The following STAT6 variants were observed in gnomAD, a reference collection of about 807,000 sequenced individuals.
STAT6 encodes the protein STAT, interleukin4-induced.
In STAT6, 45 loss-of-function variants were observed where a neutral mutation model predicts 106.3. That is an observed-to-expected ratio of 0.42 (90% CI 0.33 to 0.54). STAT6 has a LOEUF of 0.54. STAT6 is among the 20% of genes least tolerant of loss of function. The pLI, the probability that STAT6 is intolerant of heterozygous loss-of-function variation, is 0.06. For missense variants in STAT6, 797 were observed against 1,062.2 expected (o/e 0.75, Z 3.47); for synonymous variants, 413 against 413.6 (o/e 1.00, Z 0.02).
Position 57,109,199 on chromosome 12 carries a change from C to A in STAT6, c.-21-900G>T, listed in dbSNP as rs1430484952. On this transcript the variant is annotated intron_variant, in intron 1 of 21. Coordinates refer to ENST00000300134, the MANE Select transcript of STAT6 (RefSeq NM_003153.5). ...CCTGGGCGACAGAGAGAGACTCTGC[C>A]TCAAAATAAATAAATAAATAAATGA... 2.0e-5 allele frequency among the ~76,000 whole-genome samples: 3 copies of A among 151,666 alleles called. No individual in the cohort carries two copies. The East Asian group carries it at 5.8e-4, about 29-fold the overall frequency.
intron 2 of STAT6, 103 bp downstream of exon 2, chr12:57,108,060 G>C (rs2034382114): frequency 1.3e-6 from 1 of 767,108 alleles, no homozygotes; most frequent in African/African-American, 1.7e-5. Flanking sequence ...TGGAATAACA[G>C]GTCTCAAGTT....
chr12:57,102,198 G>A, intron 13 of STAT6, 92 bp downstream of exon 13: 1 of 1,391,912 alleles, frequency 7.2e-7, no homozygotes, highest in South Asian at 1.2e-5. Context: ...GGAGAATCCA[G>A]TGGAAGGTCC....
chr12:57,109,622 G>A (rs2034473875), intron 1 of STAT6, among the ~76,000 whole-genome samples: 1 of 152,082 alleles, frequency 6.6e-6, no homozygotes, highest in Admixed American at 6.6e-5. Flanking sequence ...GGATGGAAGA[G>A]ACTGGAAAAA....
chr12:57,100,936 G>A (rs2033888411), intron 13 of STAT6: 1 of 451,308 alleles, frequency 2.2e-6, no homozygotes, highest in Non-Finnish European at 4.4e-6. Flanking sequence ...CTACCTCAAA[G>A]AGATGTTGGG....
chr12:57,097,676 C>T (rs1038874783), intron 19 of STAT6, among the ~76,000 whole-genome samples: 6 of 152,280 alleles, frequency 3.9e-5, no homozygotes, highest in East Asian at 3.9e-4. Flanking sequence ...GTAATCCTAA[C>T]GCTTTGGGAG....
In STAT6 at chr12:57,106,265, C is replaced by T; in HGVS notation, c.606G>A (p.Gln202=). 2 of 1,614,254 alleles carry T rather than the reference C, an allele frequency of 1.2e-6. No individual in the cohort carries two copies. Among genetic ancestry groups the T allele is most frequent in the Non-Finnish European group, 1.7e-6 (2 of 1,180,052 alleles). The part of the protein sequence containing the change: ...AAKALVLKRI[Q]IWKRQQQLAG... Reference sequence around the variant, plus strand: ...CCAGCTGCTGCTGCCGTTTCCAAATCTGGATCCTCTTCAGCACTAGGGCTT... The same window carrying T: ...CCAGCTGCTGCTGCCGTTTCCAAATTTGGATCCTCTTCAGCACTAGGGCTT... The change falls in exon 7 of 22, where the codon CAG becomes CAA. Residue 202 remains glutamine, a synonymous_variant. Coordinates refer to ENST00000300134, the MANE Select transcript of STAT6 (RefSeq NM_003153.5).
intron 13 of STAT6, among the ~76,000 whole-genome samples, chr12:57,100,686 AAGAAAGAAAGAAAGAGAAAGAAAGAAAG>A (rs1206212545): frequency 5.9e-4 from 33 of 56,028 alleles, no homozygotes; most frequent in Non-Finnish European, 7.7e-5. Context: ...GAAAGAAAGA[AAGAAAGAAAGAAAGAGAAAGAAAGAAAG>A]AAAGAAAGAA....
At chr12:57,110,282 G>A (rs368464801) in intron 1 of STAT6, 1 of 152,256 alleles carries the variant, frequency 6.6e-6, no homozygotes, top group Non-Finnish European at 1.5e-5. Context: ...AACAAGGCTG[G>A]GTCGATTGGC....
intron 19 of STAT6, among the ~76,000 whole-genome samples, chr12:57,097,771 A>T (rs1365704191): frequency 6.6e-6 from 1 of 152,102 alleles, no homozygotes; most frequent in Admixed American, 6.5e-5. Context: ...AAAATCTTAA[A>T]AAAGAATTAG....
chr12:57,097,314 G>C (rs963792418), intron 19 of STAT6, 181 bp from the exon 20 acceptor site: 2 of 447,600 alleles, frequency 4.5e-6, no homozygotes, highest in Middle Eastern at 1.2e-3. Flanking sequence ...TGCGTGTTAT[G>C]GGGGTGGATT....
At position 57,104,418 on chromosome 12, in the gene STAT6, G is replaced by A. The variant is rs1441585775; in HGVS notation, c.1212+46C>T. 1.5e-5 allele frequency: 23 copies of A among 1,581,464 alleles called. No homozygotes were observed. In the South Asian group the frequency reaches 2.3e-4, roughly 16 times the overall value. On this transcript the variant is annotated intron_variant, in intron 11 of 21. Transcript: ENST00000300134. The stretch of plus-strand genomic sequence containing the variant: ...AGGGCCCTTGTGTGTGGCATTGGAG[G>A]AGGACTCGGGGTCCCAGATTGGGGC...
chr12:57,102,750 C>G (rs2034015207), intron 12 of STAT6, 79 bp downstream of exon 12: 8 of 1,218,288 alleles, frequency 6.6e-6, no homozygotes, highest in Non-Finnish European at 9.7e-6. Context: ...TGCCCACCAC[C>G]CCATCAGCAG....
intron 17 of STAT6, 55 bp downstream of exon 17, chr12:57,098,960 C>T: frequency 1.2e-6 from 2 of 1,613,452 alleles, no homozygotes; most frequent in Non-Finnish European, 1.7e-6. Context: ...CCCCTCCTTC[C>T]TGCAGATAAG....
At position 57,096,069 on chromosome 12, in the gene STAT6, C is replaced by G. The variant is rs2033396938; in HGVS notation, c.*503G>C. The G allele has an allele frequency of 6.4e-6, 1 of 155,310 alleles. No individual in the cohort carries two copies. The highest frequency in any genetic ancestry group is 2.4e-5 in the African/African-American group (1 of 41,524). The allele number at this position is 155,310 out of a possible 1,614,324, so 9.6% of individuals were successfully genotyped here. ...CCCCTCCTATGCTCCCACCCAGGGT[C>G]CCTTGAGCTGCTTCCCATTCCCCTA... On this transcript the variant is annotated 3_prime_UTR_variant, in exon 22 of 22. Coordinates refer to ENST00000300134, the MANE Select transcript of STAT6 (RefSeq NM_003153.5).
At chr12:57,109,404 G>A (rs545193078) in intron 1 of STAT6, among the ~76,000 whole-genome samples, 2 of 152,236 alleles carry the variant, frequency 1.3e-5, no homozygotes, top group South Asian at 4.1e-4. Context: ...AAGAAACTGA[G>A]GCTTAAGGAG....
intron 6 of STAT6, 33 bp from the exon 7 acceptor site, chr12:57,106,372 C>T (rs2034279309): frequency 6.2e-7 from 1 of 1,613,052 alleles, no homozygotes; most frequent in South Asian, 1.1e-5. Flanking sequence ...GCCAGGGCCT[C>T]ACGCTGCCTC....
intron 7 of STAT6, chr12:57,105,941 T>C (rs971759416): frequency 1.5e-5 from 10 of 662,568 alleles, no homozygotes; most frequent in Non-Finnish European, 2.0e-5. Context: ...CTCCTATTCC[T>C]CTAGGCATGG....
Position 57,107,216 on chromosome 12 carries a change from G to A in STAT6, c.339+15C>T, listed in dbSNP as rs754759648. 6.8e-6 allele frequency: 11 copies of A among 1,611,824 alleles called. No homozygotes were observed. The Admixed American group carries it at 1.7e-4, about 24-fold the overall frequency. ...AGGGGATTGAGTTGGGGTGGGAGGT[G>A]GAATATCACAATACCTGTTCCATAA... On this transcript the variant is annotated intron_variant, in intron 4 of 21. Coordinates refer to ENST00000300134, the MANE Select transcript of STAT6 (RefSeq NM_003153.5).
chr12:57,108,330 G>C (rs2034399398), intron 1 of STAT6, 31 bp from the exon 2 acceptor site: 1 of 1,235,226 alleles, frequency 8.1e-7, no homozygotes. Context: ...CACTCTGAGG[G>C]GTGCCCAAGA....
Sources: allele counts gnomAD v4.1 joint callset (sites outside exome capture counted in the v4.1 genomes callset), GRCh38; gene constraint gnomAD v4.1.1; transcripts MANE v1.5; gene names NCBI Gene and HGNC (gene_info 2026-07-23, HGNC 2026-07-21).